The following RP1L1 variants were observed in gnomAD, a reference collection of about 807,000 sequenced individuals.
RP1L1 encodes retinitis pigmentosa 1-like 1 protein.
A neutral mutation model predicts 15.7 loss-of-function variants in RP1L1; 27 were observed. The ratio of observed to expected loss-of-function variants is 1.72; its 90% CI spans 1.27 to 2.38. RP1L1 has a LOEUF of 2.38. RP1L1 is among the 30% of genes most tolerant of loss of function. The pLI is 0.00. For synonymous variants in RP1L1, 1,813 were observed against 1,276.7 expected, an observed-to-expected ratio of 1.42 and a Z score of -8.96; for missense variants, 4,798 against 3,075.9, an observed-to-expected ratio of 1.56 and a Z score of -13.24.
intron 2 of RP1L1, among the ~76,000 whole-genome samples, chr8:10,619,076 C>T (rs1392113583): frequency 6.6e-6 from 1 of 152,088 alleles, no homozygotes; most frequent in Admixed American, 6.5e-5. Flanking sequence ...CCCCATGTTG[C>T]CCAGGCTGGT....
Position 10,608,942 on chromosome 8 carries a change from C to T in RP1L1, c.5156G>A (p.Ser1719Asn), listed in dbSNP as rs1458593940. 6.2e-7 allele frequency: 1 copy of T among 1,614,064 alleles called. No individual in the cohort carries two copies. Among genetic ancestry groups the T allele is most frequent in the South Asian group, 1.1e-5 (1 of 91,078 alleles). The change falls in exon 4 of 4, where the codon AGC becomes AAC. Residue 1719 changes from serine (S) to asparagine (N), a missense_variant. Physicochemically the swap from Ser to Asn is conservative, Grantham distance 46. Transcript: ENST00000382483. ...CTCAGCTCCCTGGACAGTCCTAGTG[C>T]TCGTGGGGTCCGTGTGGGTCTTGCC... ...APGKTHTDPT[S>N]TRTVQGAEGG... is the part of the protein sequence containing the mutation.
chr8:10,634,025 C>A (rs3924612), intron 1 of RP1L1, among the ~76,000 whole-genome samples: 2 of 151,992 alleles, frequency 1.3e-5, no homozygotes, highest in Non-Finnish European at 2.9e-5. Flanking sequence ...CCCTGATCCC[C>A]AGCTGCAGGC....
chr8:10,611,067 G>C lies in RP1L1; in HGVS notation c.3031C>G (p.Gln1011Glu). The C allele has an allele frequency of 6.2e-7, 1 of 1,612,812 alleles. No homozygotes were observed. Among genetic ancestry groups the C allele is most frequent in the Non-Finnish European group, 8.5e-7 (1 of 1,180,010 alleles). ...EGLGEPAQAGQQSLEGDPGQD... is the reference protein window; with the variant it reads ...EGLGEPAQAGEQSLEGDPGQD... ...CCGGGGTCCCCTTCCAGGGACTGCT[G>C]TCCCGCCTGAGCTGGCTCCCCCAGG... Residue 1011 changes from glutamine to glutamate, a missense_variant, in exon 4 of 4, where the codon CAG (glutamine) becomes GAG (glutamate). Physicochemically the swap from Gln to Glu is conservative, Grantham distance 29. Transcript: ENST00000382483.
intron 2 of RP1L1, chr8:10,621,735 T>A: frequency 2.0e-6 from 1 of 508,548 alleles, no homozygotes; most frequent in Non-Finnish European, 3.9e-6. Context: ...CATCCTCCAT[T>A]CTGCCGACCT....
chr8:10,624,705 A>G (rs1041365407), intron 1 of RP1L1, among the ~76,000 whole-genome samples: 2 of 152,196 alleles, frequency 1.3e-5, no homozygotes, highest in African/African-American at 4.8e-5. Flanking sequence ...CAGCTGCCAT[A>G]GAGTCAGGGT....
chr8:10,607,379 T>C lies in RP1L1; in HGVS notation c.6719A>G (p.Glu2240Gly). Reference protein sequence around the residue: ...TPEAEGEAQPESEGETQGEKK... With the variant: ...TPEAEGEAQPGSEGETQGEKK... ...CTCACCTTGAGTTTCTCCTTCTGAC[T>C]CTGGCTGGGCCTCCCCTTCAGCCTC... The change falls in exon 4 of 4, where the codon GAG becomes GGG. Residue 2240 changes from glutamate to glycine, a missense_variant. Coordinates refer to ENST00000382483, the MANE Select transcript of RP1L1 (RefSeq NM_178857.6). The C allele has an allele frequency of 6.2e-7, 1 of 1,607,768 alleles. No homozygotes were observed. Among genetic ancestry groups the C allele is most frequent in the South Asian group, 1.1e-5 (1 of 90,276 alleles).
At chr8:10,652,921 G>A (rs557233843) in intron 1 of RP1L1, among the ~76,000 whole-genome samples, 6 of 152,158 alleles carry the variant, frequency 3.9e-5, no homozygotes, top group Admixed American at 6.5e-5. Flanking sequence ...ATTAATGTTG[G>A]AGGAAGGCTC....
At chr8:10,651,786 C>G (rs998576543) in intron 1 of RP1L1, among the ~76,000 whole-genome samples, 3 of 150,736 alleles carry the variant, frequency 2.0e-5, no homozygotes, top group Admixed American at 6.6e-5. Context: ...AAGTTATGCT[C>G]AGAGCTGTTG....
rs778034204 is a variant in RP1L1, at chr8:10,612,123, C to G, written c.1975G>C (p.Val659Leu). ...SSPSSPGLGR[V>L]APRGHPRHSH... ...TGCCTGGGATGGCCTCTCGGGGCCACTCGGCCAAGGCCAGGGCTGCTGGGT... is the reference window on the plus strand; with the variant it reads ...TGCCTGGGATGGCCTCTCGGGGCCAGTCGGCCAAGGCCAGGGCTGCTGGGT... Residue 659 changes from valine to leucine, a missense_variant, in exon 4 of 4, where the codon GTG (valine) becomes CTG (leucine). Coordinates refer to ENST00000382483, the MANE Select transcript of RP1L1 (RefSeq NM_178857.6). 6.2e-7 allele frequency: 1 copy of G among 1,613,724 alleles called. No individual in the cohort carries two copies. The highest frequency in any genetic ancestry group is 8.5e-7 in the Non-Finnish European group (1 of 1,180,040).
chr8:10,639,141 CAAA>C (rs1273243466), intron 1 of RP1L1, among the ~76,000 whole-genome samples: 1 of 126,768 alleles, frequency 7.9e-6, no homozygotes. Context: ...GAGACTGTCT[CAAA>C]AAAAAAAAAG....
intron 2 of RP1L1, among the ~76,000 whole-genome samples, chr8:10,617,039 G>A (rs887380006): frequency 6.6e-6 from 1 of 152,086 alleles, no homozygotes; most frequent in African/African-American, 2.4e-5. Context: ...GTGTTTTCTG[G>A]TACAGTCTGA....
chr8:10,608,748 C>T lies in RP1L1; in HGVS notation c.5350G>A (p.Gly1784Ser), dbSNP rs1797764240. The T allele has an allele frequency of 1.2e-6, 2 of 1,614,252 alleles. No individual in the cohort carries two copies. Among genetic ancestry groups the T allele is most frequent in the Non-Finnish European group, 1.7e-6 (2 of 1,180,054 alleles). ...TGCTCAGCTTCCCCCAACTCACTGCCCGCACTGGTTTCACTGTTGTGGGTT... is the reference window on the plus strand; with the variant it reads ...TGCTCAGCTTCCCCCAACTCACTGCTCGCACTGGTTTCACTGTTGTGGGTT... ...GKTHNSETSA[G>S]SELGEAEQEG... is the part of the protein sequence containing the mutation. Residue 1784 changes from glycine to serine, a missense_variant, in exon 4 of 4, where the codon GGC becomes AGC. By Grantham distance (56) the Gly-to-Ser change is moderately conservative. Coordinates refer to ENST00000382483, the MANE Select transcript of RP1L1 (RefSeq NM_178857.6).
At chr8:10,644,985 C>T (rs1197503647) in intron 1 of RP1L1, among the ~76,000 whole-genome samples, 1 of 152,196 alleles carries the variant, frequency 6.6e-6, no homozygotes, top group African/African-American at 2.4e-5. Context: ...TTTATTTTAA[C>T]ATTGTTTGAC....
In RP1L1 at chr8:10,618,796, C is replaced by G. The variant is rs535687868; in HGVS notation, c.610-2209G>C. ...CCATACCAGCTGTTTCTATCCCACT[C>G]TCTTTCTGGTATGCTTTCCAGTACT... On this transcript the variant is annotated intron_variant, in intron 2 of 3. Coordinates refer to ENST00000382483, the MANE Select transcript of RP1L1 (RefSeq NM_178857.6). 7.1e-4 allele frequency among the ~76,000 whole-genome samples: 108 copies of G among 152,286 alleles called. 2 individuals are homozygous for G. In the Middle Eastern group the frequency reaches 0.01, roughly 14 times the overall value.
intron 3 of RP1L1, 123 bp from the exon 4 acceptor site, chr8:10,613,469 A>G: frequency 7.2e-7 from 1 of 1,385,280 alleles, no homozygotes; most frequent in East Asian, 2.5e-5. Context: ...CTGCCTCCAA[A>G]ATGCACGGTG....
At position 10,607,783 on chromosome 8, in the gene RP1L1, C is replaced by T; in HGVS notation, c.6315G>A (p.Glu2105=). 3 of 1,610,490 alleles carry T rather than the reference C, an allele frequency of 1.9e-6. No individual in the cohort carries two copies. The highest frequency in any genetic ancestry group is 2.5e-6 in the Non-Finnish European group (3 of 1,178,164). ...QPESEGVEAP[E]AEGEAQKAEG... ...CTGCCTTCTGGGCCTCCCCTTCTGC[C>T]TCTGGGGCCTCTACACCTTCTGATT... The change falls in exon 4 of 4, where the codon GAG becomes GAA. Residue 2105 remains glutamate (E), a synonymous_variant. Coordinates refer to ENST00000382483, the MANE Select transcript of RP1L1 (RefSeq NM_178857.6).
intron 1 of RP1L1, among the ~76,000 whole-genome samples, chr8:10,649,775 G>A (rs770587305): frequency 5.9e-5 from 9 of 152,138 alleles, no homozygotes; most frequent in African/African-American, 9.7e-5. Context: ...CTGTGCTTCC[G>A]GCTCCAGGAC....
Position 10,609,883 on chromosome 8 carries a change from G to T in RP1L1, c.4215C>A (p.Val1405=). The T allele has an allele frequency of 6.3e-7, 1 of 1,594,682 alleles. No homozygotes were observed. The highest frequency in any genetic ancestry group is 1.4e-5 in the African/African-American group (1 of 73,384). ...KEEGLPEEGS[V]HGQELSEASS... is the part of the protein sequence containing the mutation. ...TGGCCTCTGACAATTCCTGCCCGTG[G>T]ACGCTTCCTTCTTCTGGAAGTCCTT... The change falls in exon 4 of 4, where the codon GTC becomes GTA. Residue 1405 remains valine (V), a synonymous_variant. Transcript: ENST00000382483.
At chr8:10,624,355 CTGA>C (rs1474971226) in intron 1 of RP1L1, among the ~76,000 whole-genome samples, 3 of 152,232 alleles carry the variant, frequency 2.0e-5, no homozygotes, top group Admixed American at 6.5e-5. Context: ...AACAAATGTT[CTGA>C]TGTGTATGTG....
Sources: allele counts gnomAD v4.1 joint callset (sites outside exome capture counted in the v4.1 genomes callset), GRCh38; gene constraint gnomAD v4.1.1; transcripts MANE v1.5; gene names NCBI Gene and HGNC (gene_info 2026-07-23, HGNC 2026-07-21).